Variants in PAGE2B observed in about 807,000 individuals in gnomAD.
PAGE2B encodes the protein putative G antigen family E member 3.
A neutral mutation model predicts 7.6 loss-of-function variants in PAGE2B; 5 were observed. The observed-to-expected ratio is 0.66, with a 90% confidence interval of 0.34 to 1.38. The LOEUF is 1.38. PAGE2B is among the 40% of genes most tolerant of loss of function. The pLI is 0.04. For missense variants in PAGE2B, 70 were observed against 78.4 expected, an observed-to-expected ratio of 0.89 and a Z score of 0.41; for synonymous variants, 29 against 26.7, an observed-to-expected ratio of 1.09 and a Z score of -0.27.
chrX:55,032,093 G>A, the PAGE2B span, among the ~76,000 whole-genome samples: 1 of 111,232 alleles, frequency 9.0e-6, no homozygotes, highest in Non-Finnish European at 1.9e-5. Flanking sequence ...TATGATTAAT[G>A]TTGCAATGAA....
At chrX:55,029,065 T>C in the PAGE2B span, among the ~76,000 whole-genome samples, 3 of 112,176 alleles carry the variant, frequency 2.7e-5, no homozygotes, top group African/African-American at 9.7e-5. Flanking sequence ...GAGTAAACAG[T>C]AAAAAAGTGT....
chrX:55,058,985 C>A, the PAGE2B span, among the ~76,000 whole-genome samples: 11 of 110,899 alleles, frequency 9.9e-5, no homozygotes, highest in South Asian at 4.3e-3. Context: ...ACTCATTTCT[C>A]CATTCAGTCC....
the PAGE2B span, among the ~76,000 whole-genome samples, chrX:55,064,881 T>C: frequency 3.6e-5 from 4 of 112,172 alleles, no homozygotes; most frequent in East Asian, 1.1e-3. Context: ...GCTATTGATT[T>C]CTAGTTTTAT....
At chrX:55,042,952 T>C in the PAGE2B span, among the ~76,000 whole-genome samples, 1 of 110,899 alleles carries the variant, frequency 9.0e-6, no homozygotes, top group Admixed American at 9.7e-5. Context: ...AACTATCCTA[T>C]AAGGCCATGG....
the PAGE2B span, among the ~76,000 whole-genome samples, chrX:55,059,506 C>G: frequency 9.0e-6 from 1 of 111,434 alleles, no homozygotes; most frequent in Admixed American, 9.6e-5. Flanking sequence ...TTGAAAAATA[C>G]AAATTATATA....
chrX:55,071,304 A>G (rs1296448642), upstream of PAGE2B, among the ~76,000 whole-genome samples: 1 of 110,697 alleles, frequency 9.0e-6, no homozygotes, highest in Non-Finnish European at 1.9e-5. Flanking sequence ...TCCTTCTCTT[A>G]TGAGGCTTCG....
the PAGE2B span, among the ~76,000 whole-genome samples, chrX:55,062,529 G>A: frequency 9.0e-6 from 1 of 111,531 alleles, no homozygotes; most frequent in Non-Finnish European, 1.9e-5. Flanking sequence ...AGTTGCAAAT[G>A]TTTGTCCCAT....
At chrX:55,040,598 C>G in the PAGE2B span, among the ~76,000 whole-genome samples, 1 of 111,016 alleles carries the variant, frequency 9.0e-6, no homozygotes, top group Non-Finnish European at 1.9e-5. Flanking sequence ...AAGTTAGGTA[C>G]TTAGAGCAAT....
chrX:55,060,111 A>G, the PAGE2B span, among the ~76,000 whole-genome samples: 3 of 111,710 alleles, frequency 2.7e-5, no homozygotes, highest in Non-Finnish European at 5.7e-5. Flanking sequence ...AAGTGCAGGT[A>G]TGTCTTTGAC....
At chrX:55,036,729 C>G in the PAGE2B span, among the ~76,000 whole-genome samples, 2 of 109,137 alleles carry the variant, frequency 1.8e-5, no homozygotes, top group Non-Finnish European at 3.8e-5. Flanking sequence ...CAGAACAGAG[C>G]CCTCAGAAAT....
chrX:55,057,521 A>G, the PAGE2B span, among the ~76,000 whole-genome samples: 1 of 111,388 alleles, frequency 9.0e-6, no homozygotes, highest in South Asian at 3.8e-4. Context: ...TGCTGGCCCC[A>G]TGCTGTCAGT....
chrX:55,034,031 G>C, the PAGE2B span, among the ~76,000 whole-genome samples: 3 of 111,994 alleles, frequency 2.7e-5, no homozygotes, highest in African/African-American at 9.7e-5. Flanking sequence ...CAATATCTCT[G>C]TAAAAGGTTG....
At chrX:55,041,769 G>A in the PAGE2B span, among the ~76,000 whole-genome samples, 1 of 111,488 alleles carries the variant, frequency 9.0e-6, no homozygotes, top group African/African-American at 3.3e-5. Flanking sequence ...GGTTCACATC[G>A]GCAGGACATC....
At chrX:55,052,758 G>T in the PAGE2B span, among the ~76,000 whole-genome samples, 1 of 112,776 alleles carries the variant, frequency 8.9e-6, no homozygotes, top group Non-Finnish European at 1.9e-5. Context: ...TGTGCTTCCC[G>T]GGTGAGGCGA....
At chrX:55,052,235 C>A in the PAGE2B span, among the ~76,000 whole-genome samples, 1 of 112,392 alleles carries the variant, frequency 8.9e-6, no homozygotes, top group African/African-American at 3.2e-5. Context: ...GGGTGCCTCC[C>A]AGTTAGGCTA....
At chrX:55,033,881 T>A in the PAGE2B span, among the ~76,000 whole-genome samples, 1 of 112,658 alleles carries the variant, frequency 8.9e-6, no homozygotes, top group Non-Finnish European at 1.9e-5. Flanking sequence ...CTCACCCATT[T>A]TAAATGTGTA....
At chrX:55,052,760 G>A in the PAGE2B span, among the ~76,000 whole-genome samples, 7,797 of 112,613 alleles carry the variant, frequency 0.069, 614 homozygotes, top group African/African-American at 0.23. Flanking sequence ...TGCTTCCCGG[G>A]TGAGGCGATG....
chrX:55,071,049 G>T (rs1936443837), upstream of PAGE2B, among the ~76,000 whole-genome samples: 1 of 111,981 alleles, frequency 8.9e-6, no homozygotes, highest in Admixed American at 9.5e-5. Context: ...GGTCAATATT[G>T]TTATATGTGC....
At chrX:55,076,914 T>A (rs1361490731) in intron 3 of PAGE2B, among the ~76,000 whole-genome samples, 8 of 111,743 alleles carry the variant, frequency 7.2e-5, no homozygotes, top group Admixed American at 9.5e-5. Context: ...TAAACCTTTT[T>A]CCAGAGCTCC....
Sources: allele counts gnomAD v4.1 joint callset (sites outside exome capture counted in the v4.1 genomes callset), GRCh38; gene constraint gnomAD v4.1.1; transcripts MANE v1.5; gene names NCBI Gene and HGNC (gene_info 2026-07-23, HGNC 2026-07-21).